METTL15: variants seen among roughly 807,000 people sequenced by gnomAD.
METTL15 encodes 12S rRNA N(4)-cytidine methyltransferase METTL15.
A neutral mutation model predicts 38.3 loss-of-function variants in METTL15; 34 were observed. That is an observed-to-expected ratio of 0.89 (90% CI 0.68 to 1.18). The LOEUF (loss-of-function observed/expected upper bound fraction) is 1.18. METTL15 is among the 50% of genes most tolerant of loss of function. METTL15 has a pLI of 0.00. For synonymous variants in METTL15, 162 were observed against 170.9 expected (o/e 0.95, Z 0.41); for missense variants, 438 against 498.4 (o/e 0.88, Z 1.15).
chr11:28,339,951 T>C (rs1405163347), intron 3 of METTL15, among the ~76,000 whole-genome samples: 3 of 152,044 alleles, frequency 2.0e-5, no homozygotes, highest in Admixed American at 6.6e-5. Context: ...AAAAGAACTG[T>C]GATAAGCTCG....
chr11:28,523,882 A>G (rs1410188784), intron 6 of METTL15, among the ~76,000 whole-genome samples: 2 of 152,206 alleles, frequency 1.3e-5, no homozygotes, highest in African/African-American at 2.4e-5. Context: ...CACATATGAC[A>G]ATGTCTGGAG....
intron 4 of METTL15, among the ~76,000 whole-genome samples, chr11:28,281,917 A>G (rs1383575927): frequency 6.6e-6 from 1 of 152,222 alleles, no homozygotes; most frequent in Non-Finnish European, 1.5e-5. Context: ...ACTCCACTGA[A>G]TAAATTTTAA....
In METTL15 at chr11:28,420,608, C is replaced by T. The variant is rs902736114; in HGVS notation, c.*359-3691C>T. ...ATACATGGATATTAAATGATATGCT[C>T]CTGAATAACTGGTAGGTCAATGAAG... On this transcript the variant is annotated intron_variant and NMD_transcript_variant, in intron 5 of 7. Coordinates refer to the METTL15 transcript ENST00000532947. Among the ~76,000 whole-genome samples the T allele has an allele frequency of 2.0e-5, 3 of 151,990 alleles. No homozygotes were observed. The East Asian group carries it at 5.8e-4, about 29-fold the overall frequency.
At chr11:28,313,671 T>A (rs577708960) in intron 6 of METTL15, among the ~76,000 whole-genome samples, 201 of 152,114 alleles carry the variant, frequency 1.3e-3, no homozygotes, top group African/African-American at 4.8e-3. Context: ...ATGTATATAG[T>A]TTTGGATTTT....
intron 3 of METTL15, among the ~76,000 whole-genome samples, chr11:28,184,204 A>C (rs1051883671): frequency 1.6e-4 from 24 of 151,768 alleles, no homozygotes; most frequent in African/African-American, 5.1e-4. Context: ...CTTTTCGAAA[A>C]ACCAGCTTCT....
chr11:28,440,880 T>C (rs1358946564), intron 6 of METTL15, among the ~76,000 whole-genome samples: 1 of 152,180 alleles, frequency 6.6e-6, no homozygotes, highest in Non-Finnish European at 1.5e-5. Flanking sequence ...AGAATTGCAC[T>C]GTTCAATCCC....
At chr11:28,167,349 AATCAAGGAAAGCT>A (rs1462106717) in intron 3 of METTL15, among the ~76,000 whole-genome samples, 2 of 152,154 alleles carry the variant, frequency 1.3e-5, no homozygotes, top group Non-Finnish European at 2.9e-5. Flanking sequence ...AATGAGCAGA[AATCAAGGAAAGCT>A]CAGCAGTGGC....
chr11:28,161,340 C>T (rs1386335896), intron 3 of METTL15, among the ~76,000 whole-genome samples: 1 of 151,850 alleles, frequency 6.6e-6, no homozygotes, highest in East Asian at 1.9e-4. Context: ...AGGCTGGCTC[C>T]AACTCCTGGC....
rs1851661646 is a variant in METTL15, at chr11:28,510,015, TA to T, written c.*425-16462del. ...CCCACATTCAATTTGCTTAAGTAGATATTAGGATGGCAACATGTTTCATTAG... is the reference window on the plus strand; with the variant it reads ...CCCACATTCAATTTGCTTAAGTAGATTTAGGATGGCAACATGTTTCATTAG... On this transcript the variant is annotated intron_variant and NMD_transcript_variant, in intron 6 of 7. Transcript: ENST00000532947. 4.6e-5 allele frequency among the ~76,000 whole-genome samples: 7 copies of T among 152,236 alleles called. No homozygotes were observed. In the South Asian group the frequency reaches 1.2e-3, roughly 27 times the overall value.
intron 6 of METTL15, among the ~76,000 whole-genome samples, chr11:28,495,130 A>G (rs1374140104): frequency 6.6e-6 from 1 of 152,196 alleles, no homozygotes; most frequent in Non-Finnish European, 1.5e-5. Flanking sequence ...ATTCAAAGTG[A>G]AAACAACATT....
intron 3 of METTL15, among the ~76,000 whole-genome samples, chr11:28,180,737 GA>G (rs1851252075): frequency 6.6e-6 from 1 of 151,716 alleles, no homozygotes; most frequent in African/African-American, 2.4e-5. Context: ...AAATACAAAT[GA>G]AAAGAATAGT....
At chr11:28,512,145 C>G (rs1018723389) in intron 6 of METTL15, among the ~76,000 whole-genome samples, 3 of 152,176 alleles carry the variant, frequency 2.0e-5, no homozygotes, top group African/African-American at 7.2e-5. Context: ...AGTGTCCACA[C>G]AAAGGTTCTC....
intron 5 of METTL15, among the ~76,000 whole-genome samples, chr11:28,369,425 A>G (rs1850221279): frequency 6.6e-6 from 1 of 152,092 alleles, no homozygotes; most frequent in South Asian, 2.1e-4. Context: ...AAATATATAT[A>G]TATACATCCA....
intron 3 of METTL15, among the ~76,000 whole-genome samples, chr11:28,350,452 C>G (rs190899068): frequency 2.8e-4 from 42 of 152,314 alleles, no homozygotes; most frequent in Non-Finnish European, 5.7e-4. Flanking sequence ...CACCCATACT[C>G]TACAATTTAA....
chr11:28,325,187 A>G (rs1279477637), intron 6 of METTL15, among the ~76,000 whole-genome samples: 1 of 152,096 alleles, frequency 6.6e-6, no homozygotes, highest in Admixed American at 6.5e-5. Context: ...TTGGCATAGA[A>G]CCAAGTGATG....
At chr11:28,246,761 A>G (rs1275747236) in intron 4 of METTL15, among the ~76,000 whole-genome samples, 1 of 152,138 alleles carries the variant, frequency 6.6e-6, no homozygotes, top group Admixed American at 6.6e-5. Context: ...AGTGATACAC[A>G]TGGGTAATGT....
intron 5 of METTL15, among the ~76,000 whole-genome samples, chr11:28,294,910 A>G (rs375311596): frequency 1.2e-4 from 18 of 152,174 alleles, no homozygotes; most frequent in African/African-American, 4.3e-4. Flanking sequence ...TTATTTTAAC[A>G]TAGAAAAGTA....
chr11:28,352,601 C>A (rs1007917930), intron 4 of METTL15, among the ~76,000 whole-genome samples: 10 of 152,168 alleles, frequency 6.6e-5, no homozygotes, highest in Admixed American at 6.5e-4. Flanking sequence ...TCTTCCTCTT[C>A]CCATCCCTAA....
chr11:28,115,799 G>C (rs1360487595), intron 3 of METTL15, among the ~76,000 whole-genome samples: 4 of 152,012 alleles, frequency 2.6e-5, no homozygotes, highest in African/African-American at 9.7e-5. Flanking sequence ...CCACAAATAA[G>C]TGGACTTTCG....
Sources: allele counts gnomAD v4.1 joint callset (sites outside exome capture counted in the v4.1 genomes callset), GRCh38; gene constraint gnomAD v4.1.1; transcripts MANE v1.5; gene names NCBI Gene and HGNC (gene_info 2026-07-23, HGNC 2026-07-21).